The following EPHA8 variants were observed in gnomAD, a reference collection of about 807,000 sequenced individuals.
EPHA8 encodes ephrin type-A receptor 8.
EPHA8 carries 58 observed loss-of-function variants against 103.6 expected under a neutral mutation model. The ratio of observed to expected loss-of-function variants is 0.56; its 90% CI spans 0.45 to 0.70. EPHA8 has a LOEUF of 0.70. Ranked by LOEUF, EPHA8 falls within the 30% of genes least tolerant of loss-of-function variation. The pLI is 0.00. For synonymous variants in EPHA8, 559 were observed against 572.5 expected, an observed-to-expected ratio of 0.98 and a Z score of 0.34; for missense variants, 1,304 against 1,395.2, an observed-to-expected ratio of 0.93 and a Z score of 1.04.
At chr1:22,580,127 C>CTTTTTT (rs764600240) in intron 3 of EPHA8, among the ~76,000 whole-genome samples, 2 of 97,426 alleles carry the variant, frequency 2.1e-5, no homozygotes, top group African/African-American at 4.4e-5. Flanking sequence ...CTTTCTTTCT[C>CTTTTTT]TTTTTTTTTT....
In EPHA8 at chr1:22,600,950, C is replaced by G; in HGVS notation, c.2591C>G (p.Pro864Arg). The change falls in exon 15 of 17, where the codon CCC (proline) becomes CGC (arginine). Residue 864 changes from proline to arginine, a missense_variant. By Grantham distance (103) the Pro-to-Arg change is moderately radical. Coordinates refer to ENST00000166244, the MANE Select transcript of EPHA8 (RefSeq NM_020526.5). Reference sequence around the variant, plus strand: ...CGCCTGCCCGCACCCATGGGCTGCCCCCACGCCCTGCACCAGCTCATGCTC... The same window carrying G: ...CGCCTGCCCGCACCCATGGGCTGCCGCCACGCCCTGCACCAGCTCATGCTC... ...GYRLPAPMGC[P>R]HALHQLMLDC... 6.2e-7 allele frequency: 1 copy of G among 1,612,696 alleles called. No homozygotes were observed. The highest frequency in any genetic ancestry group is 1.1e-5 in the South Asian group (1 of 91,048).
intron 5 of EPHA8, among the ~76,000 whole-genome samples, chr1:22,591,232 A>C (rs1378497348): frequency 6.6e-6 from 1 of 151,912 alleles, no homozygotes; most frequent in Non-Finnish European, 1.5e-5. Flanking sequence ...TCTACAAAAA[A>C]AATTTTTTTT....
In EPHA8 at chr1:22,563,532, C is replaced by T. The variant is rs1249364890; in HGVS notation, c.-104C>T. On this transcript the variant is annotated 5_prime_UTR_variant, in exon 1 of 17. Coordinates refer to ENST00000166244, the MANE Select transcript of EPHA8 (RefSeq NM_020526.5). The surrounding 1 kb of genome is among the most constrained non-coding windows in gnomAD (Gnocchi z 4.4). ...GTGTGCGCCGGGGTGTGCGCCCGGC[C>T]GGGTGTGCGGAGAGCGAGGGAGCGC... The T allele has an allele frequency of 6.9e-6, 1 of 145,716 alleles. No homozygotes were observed. Among genetic ancestry groups the T allele is most frequent in the African/African-American group, 2.5e-5 (1 of 40,502 alleles). 9.0% of individuals were successfully genotyped at this position (145,716 alleles called of 1,614,324 possible).
rs747387629 is a variant in EPHA8, at chr1:22,601,374, T to TG, written c.2809dup (p.Asp937GlyfsTer93). The TG allele has an allele frequency of 6.2e-7, 1 of 1,610,242 alleles. No homozygotes were observed. The highest frequency in any genetic ancestry group is 8.5e-7 in the Non-Finnish European group (1 of 1,179,300). ...AGCGGTGGCGGTGGGGGCCTCACCG[T>TG]GGGGGACTGGCTGGACTCCATCCGC... On this transcript the variant is annotated frameshift_variant, in exon 16 of 17. Coordinates refer to ENST00000166244, the MANE Select transcript of EPHA8 (RefSeq NM_020526.5). LOFTEE classifies it high-confidence loss of function.
chr1:22,585,173 C>G (rs569638390), intron 3 of EPHA8, among the ~76,000 whole-genome samples: 2 of 152,254 alleles, frequency 1.3e-5, no homozygotes, highest in East Asian at 1.9e-4. Context: ...GCAAAGGCCC[C>G]GAGGCAGGAA....
At chr1:22,593,297 C>T (rs760939137) in intron 5 of EPHA8, 29 bp from the exon 6 acceptor site, 81 of 1,546,334 alleles carry the variant, frequency 5.2e-5, no homozygotes, top group Middle Eastern at 1.7e-4. Context: ...GTCTCCCCTC[C>T]GCCCATCTGA....
chr1:22,578,366 G>A (rs1167799328), intron 3 of EPHA8, among the ~76,000 whole-genome samples: 3 of 143,032 alleles, frequency 2.1e-5, no homozygotes, highest in African/African-American at 7.8e-5. Flanking sequence ...GCGTGCATGT[G>A]TGCGTGCTTT....
intron 16 of EPHA8, 46 bp downstream of exon 16, chr1:22,601,519 G>GC: frequency 6.2e-7 from 1 of 1,605,388 alleles, no homozygotes; most frequent in African/African-American, 1.3e-5. Context: ...GGGGGCAGGG[G>GC]GGGGGACCCC....
At chr1:22,584,177 C>T (rs1259139070) in intron 3 of EPHA8, among the ~76,000 whole-genome samples, 1 of 152,210 alleles carries the variant, frequency 6.6e-6, no homozygotes, top group African/African-American at 2.4e-5. Flanking sequence ...CCCAGCGGCC[C>T]CCGGGGCTCA....
intron 13 of EPHA8, among the ~76,000 whole-genome samples, chr1:22,599,592 G>A (rs564663392): frequency 2.3e-4 from 34 of 146,772 alleles, no homozygotes; most frequent in African/African-American, 8.4e-4. Context: ...AAAGGAAGGA[G>A]GGAGTGGAGA....
intron 3 of EPHA8, among the ~76,000 whole-genome samples, chr1:22,578,933 ATGTG>A (rs1224452117): frequency 4.1e-5 from 6 of 146,304 alleles, no homozygotes; most frequent in East Asian, 4.2e-4. Flanking sequence ...TTATGTGTGC[ATGTG>A]TGTATGTATG....
rs1641288688 is a variant in EPHA8, at chr1:22,588,773, G to A, written c.980-98G>A. On this transcript the variant is annotated intron_variant, in intron 4 of 16. Transcript: ENST00000166244. ...ATCCTTAAGGAGCCCTAAATATGAT[G>A]GGGAGCCCTTCCCTTGGGGAGCCCC... 8 of 1,498,168 alleles carry A rather than the reference G, an allele frequency of 5.3e-6. No homozygotes were observed. In the Admixed American group the frequency reaches 8.9e-5, roughly 17 times the overall value. The allele number at this position is 1,498,168 out of a possible 1,614,324, so 92.8% of individuals were successfully genotyped here. A position where few individuals can be genotyped will look rare whatever the true frequency, so the allele number is the denominator to read the frequency against.
intron 8 of EPHA8, 72 bp from the exon 9 acceptor site, chr1:22,596,034 G>C (rs892032252): frequency 4.2e-6 from 6 of 1,425,190 alleles, no homozygotes; most frequent in Non-Finnish European, 5.9e-6. Flanking sequence ...GCCATGACTC[G>C]TTCCCTGGTT....
chr1:22,577,483 GT>G (rs758633714), intron 3 of EPHA8, among the ~76,000 whole-genome samples: 4 of 152,232 alleles, frequency 2.6e-5, no homozygotes, highest in Non-Finnish European at 4.4e-5. Context: ...GGGGCCCTGG[GT>G]GAATGAGCAC....
intron 2 of EPHA8, among the ~76,000 whole-genome samples, chr1:22,571,534 A>G (rs1569952429): frequency 6.6e-6 from 1 of 152,282 alleles, no homozygotes; most frequent in East Asian, 1.9e-4. Context: ...TGACCATTTC[A>G]TGAGATGGGG....
At chr1:22,564,977 C>T (rs1377139324) in intron 1 of EPHA8, among the ~76,000 whole-genome samples, 1 of 152,162 alleles carries the variant, frequency 6.6e-6, no homozygotes, top group African/African-American at 2.4e-5. Flanking sequence ...AGCACACACA[C>T]AGGCTACTTG....
At position 22,599,065 on chromosome 1, in the gene EPHA8, C is replaced by T. The variant is rs372470464; in HGVS notation, c.2388+18C>T. On this transcript the variant is annotated intron_variant, in intron 13 of 16. Coordinates refer to ENST00000166244, the MANE Select transcript of EPHA8 (RefSeq NM_020526.5). ...CCACCACGGTGCGTCGCCCACACTC[C>T]TTCCGGCTAGACTGGGGAGTGGGGA... is the stretch of plus-strand genomic sequence containing the variant. The T allele has an allele frequency of 6.3e-7, 1 of 1,580,302 alleles. No individual in the cohort carries two copies. Among genetic ancestry groups the T allele is most frequent in the Admixed American group, 1.8e-5 (1 of 55,032 alleles).
At chr1:22,578,219 A>AGTGTGCATGTGTGTAT (rs1460265870) in intron 3 of EPHA8, among the ~76,000 whole-genome samples, 1,234 of 50,862 alleles carry the variant, frequency 0.024, 18 homozygotes, top group African/African-American at 0.067. Context: ...TGTGCGTGTG[A>AGTGTGCATGTGTGTAT]GTGTGCATGT....
intron 4 of EPHA8, among the ~76,000 whole-genome samples, chr1:22,588,142 A>C (rs1369086341): frequency 6.6e-6 from 1 of 152,212 alleles, no homozygotes; most frequent in Non-Finnish European, 1.5e-5. Flanking sequence ...CCAAGATCTT[A>C]CAATTCTATT....
Sources: gnomAD v4.1 joint callset for allele counts (sites outside exome capture counted in the v4.1 genomes callset) on GRCh38, gnomAD v4.1.1 for gene constraint, Gnocchi (gnomAD v3.1) non-coding constraint, MANE v1.5 for transcripts, NCBI Gene and HGNC (gene_info 2026-07-23, HGNC 2026-07-21) for gene names.